HNRNPC: variants seen among roughly 807,000 people sequenced by gnomAD.
HNRNPC encodes heterogeneous nuclear ribonucleoproteins C1/C2.
A neutral mutation model predicts 33.2 loss-of-function variants in HNRNPC; 3 were observed. The observed-to-expected ratio is 0.09, with a 90% confidence interval of 0.04 to 0.23. The LOEUF (loss-of-function observed/expected upper bound fraction) is 0.23. HNRNPC is among the 10% of genes least tolerant of loss of function. The pLI is 1.00. For synonymous variants in HNRNPC, 121 were observed against 126.7 expected, an observed-to-expected ratio of 0.96 and a Z score of 0.30; for missense variants, 143 against 366.7, an observed-to-expected ratio of 0.39 and a Z score of 4.98.
In HNRNPC at chr14:21,219,108, C is replaced by CAAA. The variant is rs555837563; in HGVS notation, c.366-5994_366-5992dup. On this transcript the variant is annotated intron_variant, in intron 5 of 8. Coordinates refer to ENST00000553300, the MANE Select transcript of HNRNPC (RefSeq NM_004500.4). ...CTGGGAACAGAGCGAGACTCTTTCT[C>CAAA]AAAAAAAAAAAAAAAAGAAGAAAAA... 2.0e-3 allele frequency among the ~76,000 whole-genome samples: 193 copies of CAAA among 96,360 alleles called. 1 individual carries two copies. The highest frequency in any genetic ancestry group is 6.8e-3 in the African/African-American group (180 of 26,320). The allele number at this position is 96,360 out of a possible 152,430, so 63.2% of individuals were successfully genotyped here.
chr14:21,249,250 C>CGAAG (rs758540993), intron 2 of HNRNPC, among the ~76,000 whole-genome samples: 3 of 152,082 alleles, frequency 2.0e-5, no homozygotes, highest in East Asian at 3.9e-4. Context: ...CCTTCTCTTC[C>CGAAG]CCAAGAGCAA....
At chr14:21,217,738 TTTGA>T (rs1892344869) in intron 5 of HNRNPC, among the ~76,000 whole-genome samples, 2 of 152,214 alleles carry the variant, frequency 1.3e-5, no homozygotes, top group South Asian at 4.1e-4. Context: ...TTCTAAGCCA[TTTGA>T]TTGAAAATGG....
rs528463821 is a variant in HNRNPC, at chr14:21,219,122, A to G, written c.366-6005T>C. Among the ~76,000 whole-genome samples the G allele has an allele frequency of 1.2e-4, 18 of 150,486 alleles. 1 individual carries two copies. Among genetic ancestry groups the G allele is most frequent in the South Asian group, 2.1e-4 (1 of 4,794 alleles). The stretch of plus-strand genomic sequence containing the variant: ...AGACTCTTTCTCAAAAAAAAAAAAA[A>G]AAGAAGAAAAAGAAAGGGGAAAAAA... On this transcript the variant is annotated intron_variant, in intron 5 of 8. Transcript: ENST00000553300.
At chr14:21,248,757 TA>T (rs1386322884) in intron 2 of HNRNPC, among the ~76,000 whole-genome samples, 1 of 152,204 alleles carries the variant, frequency 6.6e-6, no homozygotes, top group Admixed American at 6.5e-5. Context: ...ATGGTCAAAA[TA>T]AATGGTCCGT....
chr14:21,241,845 A>C (rs1404723928), intron 2 of HNRNPC, among the ~76,000 whole-genome samples: 1 of 152,360 alleles, frequency 6.6e-6, no homozygotes, highest in East Asian at 1.9e-4. Flanking sequence ...ACCTGGGGAT[A>C]TTACTAAGAC....
intron 4 of HNRNPC, chr14:21,230,659 A>C (rs958273255): frequency 2.0e-6 from 1 of 494,276 alleles, no homozygotes; most frequent in Non-Finnish European, 3.6e-6. Context: ...CTTATACCAC[A>C]CTTCTACCCT....
chr14:21,246,954 G>T (rs1284749646), intron 2 of HNRNPC, among the ~76,000 whole-genome samples: 1 of 152,154 alleles, frequency 6.6e-6, no homozygotes, highest in African/African-American at 2.4e-5. Flanking sequence ...TAAGAATACA[G>T]TATATAATGT....
chr14:21,220,752 G>A (rs1288112204), intron 5 of HNRNPC, among the ~76,000 whole-genome samples: 2 of 151,806 alleles, frequency 1.3e-5, no homozygotes, highest in Non-Finnish European at 2.9e-5. Flanking sequence ...TCAAAGCAGG[G>A]GACTTCCCAA....
chr14:21,237,509 C>T (rs746070957), intron 2 of HNRNPC, among the ~76,000 whole-genome samples: 13 of 152,340 alleles, frequency 8.5e-5, no homozygotes, highest in Non-Finnish European at 1.5e-4. Flanking sequence ...CCAAGGCTTA[C>T]TCAGCTTCAT....
At chr14:21,268,343 G>A (rs755272281) in intron 1 of HNRNPC, among the ~76,000 whole-genome samples, 3 of 152,092 alleles carry the variant, frequency 2.0e-5, no homozygotes, top group Non-Finnish European at 4.4e-5. Flanking sequence ...TTACACTTAG[G>A]AAGTTACGTT....
chr14:21,253,446 C>G (rs1157251009), intron 2 of HNRNPC, among the ~76,000 whole-genome samples: 4 of 132,930 alleles, frequency 3.0e-5, no homozygotes, highest in African/African-American at 1.1e-4. Context: ...GCACTCCAAC[C>G]TCTAGACTCC....
chr14:21,225,610 G>A (rs1021149435), intron 5 of HNRNPC, among the ~76,000 whole-genome samples: 1 of 152,002 alleles, frequency 6.6e-6, no homozygotes, highest in Non-Finnish European at 1.5e-5. Context: ...CACCAGACGG[G>A]TTTCATCTAT....
intron 5 of HNRNPC, among the ~76,000 whole-genome samples, chr14:21,227,949 C>A (rs1477513856): frequency 1.3e-5 from 2 of 152,186 alleles, no homozygotes; most frequent in African/African-American, 4.8e-5. Flanking sequence ...AGAAACACAA[C>A]CACGTCCTTA....
chr14:21,232,807 G>A (rs779992959), intron 3 of HNRNPC, among the ~76,000 whole-genome samples: 8 of 152,148 alleles, frequency 5.3e-5, no homozygotes, highest in African/African-American at 1.4e-4. Context: ...AGGCCAAAGC[G>A]GGAGGATCAC....
At position 21,241,191 on chromosome 14, in the gene HNRNPC, G is replaced by A. The variant is rs557353089; in HGVS notation, c.-36-6962C>T. On this transcript the variant is annotated intron_variant, in intron 2 of 8. Coordinates refer to ENST00000553300, the MANE Select transcript of HNRNPC (RefSeq NM_004500.4). ...AAAGAACTGCCTGAACCCAGGAGGCGGAGGTTGTAGTAAGCCGAGATTGCA... is the reference window on the plus strand; with the variant it reads ...AAAGAACTGCCTGAACCCAGGAGGCAGAGGTTGTAGTAAGCCGAGATTGCA... Among the ~76,000 whole-genome samples, 142 of 150,634 alleles carry A rather than the reference G, an allele frequency of 9.4e-4. 1 individual carries two copies. Among genetic ancestry groups the A allele is most frequent in the Middle Eastern group, 7.1e-3 (2 of 282 alleles).
chr14:21,259,056 C>A (rs1193432435), intron 2 of HNRNPC, among the ~76,000 whole-genome samples: 2 of 152,182 alleles, frequency 1.3e-5, no homozygotes, highest in Non-Finnish European at 2.9e-5. Context: ...CCTCTAAGGT[C>A]CCGTGCTATG....
intron 1 of HNRNPC, chr14:21,264,350 TCTA>T (rs1227029205): frequency 2.0e-5 from 3 of 152,188 alleles, no homozygotes; most frequent in African/African-American, 7.2e-5. Flanking sequence ...CCTAATAGGT[TCTA>T]CTGTTAGGGG....
intron 5 of HNRNPC, among the ~76,000 whole-genome samples, chr14:21,227,970 AAT>A (rs1346128443): frequency 6.6e-6 from 1 of 152,242 alleles, no homozygotes; most frequent in East Asian, 1.9e-4. Flanking sequence ...ATCTTTTATT[AAT>A]GATTCTCAAC....
intron 5 of HNRNPC, among the ~76,000 whole-genome samples, chr14:21,224,053 A>G (rs1566605543): frequency 6.6e-6 from 1 of 152,012 alleles, no homozygotes; most frequent in Non-Finnish European, 1.5e-5. Flanking sequence ...ACTTCAAATA[A>G]CCTAAGTATT....
Sources: allele counts gnomAD v4.1 joint callset (sites outside exome capture counted in the v4.1 genomes callset), GRCh38; gene constraint gnomAD v4.1.1; transcripts MANE v1.5; gene names NCBI Gene and HGNC (gene_info 2026-07-23, HGNC 2026-07-21).